Variants in PARD3B observed in about 807,000 individuals in gnomAD.
PARD3B encodes par-3 family cell polarity regulator beta.
Under a neutral mutation model 130.2 loss-of-function variants are expected in PARD3B, and 103 were observed. That is an observed-to-expected ratio of 0.79 (90% CI 0.67 to 0.93). The LOEUF (loss-of-function observed/expected upper bound fraction) is 0.93, where lower values mean the gene tolerates loss of function less well. Ranked by LOEUF, PARD3B falls within the 40% of genes least tolerant of loss-of-function variation. PARD3B has a pLI of 0.00. For missense variants in PARD3B, 1,609 were observed against 1,499.2 expected, an observed-to-expected ratio of 1.07 and a Z score of -1.21; for synonymous variants, 583 against 553.2, an observed-to-expected ratio of 1.05 and a Z score of -0.76.
At chr2:204,767,070 A>G (rs2041197147) in intron 2 of PARD3B, among the ~76,000 whole-genome samples, 1 of 121,852 alleles carries the variant, frequency 8.2e-6, no homozygotes, top group African/African-American at 3.1e-5. Context: ...ACATATGTAT[A>G]CATGTGCCAT....
intron 3 of PARD3B, among the ~76,000 whole-genome samples, chr2:204,971,828 GT>G (rs1691738259): frequency 7.6e-6 from 1 of 130,796 alleles, no homozygotes. Context: ...CTGTTGTTTT[GT>G]TTTAATTTTT....
intron 22 of PARD3B, among the ~76,000 whole-genome samples, chr2:205,571,331 C>G (rs2053554380): frequency 6.6e-6 from 1 of 152,174 alleles, no homozygotes; most frequent in African/African-American, 2.4e-5. Context: ...ATATGAGTAA[C>G]TTCAGGTGGC....
intron 2 of PARD3B, among the ~76,000 whole-genome samples, chr2:204,790,113 ACCTGCCTTGG>A (rs955319697): frequency 6.6e-6 from 1 of 152,112 alleles, no homozygotes; most frequent in African/African-American, 2.4e-5. Context: ...CTCGTGATCC[ACCTGCCTTGG>A]CCTCCCAGAG....
chr2:204,550,159 G>A (rs548369153), intron 1 of PARD3B, among the ~76,000 whole-genome samples: 3 of 152,112 alleles, frequency 2.0e-5, no homozygotes, highest in Non-Finnish European at 4.4e-5. Flanking sequence ...TCAAGTTCCT[G>A]ATATAAAATG....
At chr2:205,334,142 G>T (rs768221982) in intron 18 of PARD3B, among the ~76,000 whole-genome samples, 1 of 152,100 alleles carries the variant, frequency 6.6e-6, no homozygotes, top group Non-Finnish European at 1.5e-5. Context: ...TTCTTTAACT[G>T]GTGGACTAAC....
chr2:205,203,518 T>C (rs1173984925), intron 15 of PARD3B, among the ~76,000 whole-genome samples: 3 of 152,144 alleles, frequency 2.0e-5, no homozygotes, highest in Non-Finnish European at 4.4e-5. Flanking sequence ...GTTTGTTAAA[T>C]AGGCACACAC....
chr2:205,157,520 C>T (rs2034252606), intron 10 of PARD3B, among the ~76,000 whole-genome samples: 1 of 152,126 alleles, frequency 6.6e-6, no homozygotes, highest in Non-Finnish European at 1.5e-5. Context: ...AATGCCGCGT[C>T]AATGGATCTG....
At chr2:205,028,894 T>C (rs758088208) in intron 3 of PARD3B, among the ~76,000 whole-genome samples, 5 of 152,172 alleles carry the variant, frequency 3.3e-5, no homozygotes, top group Admixed American at 6.6e-5. Context: ...CATTTAACTA[T>C]CTGAAAAGGA....
At chr2:204,955,817 A>C (rs1025008562) in intron 2 of PARD3B, among the ~76,000 whole-genome samples, 1 of 152,220 alleles carries the variant, frequency 6.6e-6, no homozygotes, top group Non-Finnish European at 1.5e-5. Flanking sequence ...TACTGTTGAC[A>C]TATAGGTAGG....
chr2:204,761,544 C>T (rs1279330952), intron 2 of PARD3B, among the ~76,000 whole-genome samples: 3 of 151,568 alleles, frequency 2.0e-5, no homozygotes, highest in Non-Finnish European at 4.4e-5. Context: ...ATTAAATTCA[C>T]CCATAGTTGT....
rs557082048 is a variant in PARD3B at position 205,078,119 on chromosome 2, T to A, written c.505-26307T>A. 6.6e-6 allele frequency among the ~76,000 whole-genome samples: 1 copy of A among 152,254 alleles called. No homozygotes were observed. Among genetic ancestry groups the A allele is most frequent in the East Asian group, 1.9e-4 (1 of 5,188 alleles). On this transcript the variant is annotated intron_variant, in intron 4 of 22. Coordinates refer to ENST00000406610, the MANE Select transcript of PARD3B (RefSeq NM_001302769.2). The surrounding 1 kb of genome is among the most constrained non-coding windows in gnomAD (Gnocchi z 4.0). ...TAACATGCATGGCTTTCCAAAAAGG[T>A]GATTTATGTAATTAAGAGTGAGATA...
chr2:205,539,044 C>G (rs978128534), intron 21 of PARD3B, among the ~76,000 whole-genome samples: 2 of 152,116 alleles, frequency 1.3e-5, no homozygotes, highest in Admixed American at 1.3e-4. Flanking sequence ...GAATTCAAAC[C>G]CAACCACTAT....
At chr2:205,049,519 G>A (rs546882817) in intron 4 of PARD3B, among the ~76,000 whole-genome samples, 43 of 152,186 alleles carry the variant, frequency 2.8e-4, no homozygotes, top group African/African-American at 7.0e-4. Context: ...ATTTGTGTCC[G>A]GACAGAAACC....
At chr2:205,353,013 A>G (rs1243531377) in intron 18 of PARD3B, among the ~76,000 whole-genome samples, 3 of 152,202 alleles carry the variant, frequency 2.0e-5, no homozygotes, top group African/African-American at 7.2e-5. Context: ...CCTCAAAGCA[A>G]TAGGTTTTCT....
At chr2:204,635,118 GT>G (rs1201987019) in intron 1 of PARD3B, among the ~76,000 whole-genome samples, 1 of 152,150 alleles carries the variant, frequency 6.6e-6, no homozygotes, top group African/African-American at 2.4e-5. Context: ...CTTTGCTCAT[GT>G]TTCCAAGTTT....
intron 19 of PARD3B, among the ~76,000 whole-genome samples, chr2:205,423,079 C>T (rs1453857642): frequency 6.6e-6 from 1 of 152,170 alleles, no homozygotes. Flanking sequence ...TGAGGTCATT[C>T]CTGGTAGTCA....
At position 205,351,546 on chromosome 2, in the gene PARD3B, T is replaced by C. The variant is rs768739074; in HGVS notation, c.2631-49467T>C. ...CGAGGAAGAAAGCCACAGCCAAGAC[T>C]TGGGAGATTTCAGGAAATAAGAATC... On this transcript the variant is annotated intron_variant, in intron 18 of 22. Coordinates refer to ENST00000406610, the MANE Select transcript of PARD3B (RefSeq NM_001302769.2). The surrounding 1 kb of genome is among the most constrained non-coding windows in gnomAD (Gnocchi z 4.2). Among the ~76,000 whole-genome samples the C allele has an allele frequency of 2.6e-5, 4 of 152,080 alleles. No homozygotes were observed. Among genetic ancestry groups the C allele is most frequent in the Admixed American group, 6.6e-5 (1 of 15,258 alleles).
intron 4 of PARD3B, among the ~76,000 whole-genome samples, chr2:205,098,077 A>C (rs548829035): frequency 2.0e-5 from 3 of 152,300 alleles, no homozygotes; most frequent in East Asian, 3.9e-4. Context: ...TTTTGTTCTG[A>C]AAAGTAAAAA....
chr2:205,475,363 A>G (rs2048989914), intron 20 of PARD3B, among the ~76,000 whole-genome samples: 1 of 152,162 alleles, frequency 6.6e-6, no homozygotes, highest in African/African-American at 2.4e-5. Flanking sequence ...TATTAAATAC[A>G]TATTTGACAT....
Sources: gnomAD v4.1 joint callset for allele counts (sites outside exome capture counted in the v4.1 genomes callset) on GRCh38, gnomAD v4.1.1 for gene constraint, Gnocchi (gnomAD v3.1) non-coding constraint, MANE v1.5 for transcripts, NCBI Gene and HGNC (gene_info 2026-07-23, HGNC 2026-07-21) for gene names.